GK5: variants seen among roughly 807,000 people sequenced by gnomAD.
GK5 encodes the protein glycerol kinase 5.
GK5 carries 39 observed loss-of-function variants against 77.3 expected under a neutral mutation model. The ratio of observed to expected loss-of-function variants is 0.50; its 90% CI spans 0.39 to 0.66. The LOEUF is 0.66. GK5 is among the 30% of genes least tolerant of loss of function. GK5 has a pLI of 0.00. For missense variants in GK5, 487 were observed against 633.8 expected, an observed-to-expected ratio of 0.77 and a Z score of 2.49; for synonymous variants, 211 against 208.0, an observed-to-expected ratio of 1.01 and a Z score of -0.13.
At position 142,164,096 on chromosome 3, in the gene GK5, A is replaced by G. The variant is rs1266587491; in HGVS notation, c.*1526T>C. 1.3e-5 allele frequency: 2 copies of G among 152,144 alleles called. No individual in the cohort carries two copies. Among genetic ancestry groups the G allele is most frequent in the African/African-American group, 2.4e-5 (1 of 41,458 alleles). 9.4% of individuals were successfully genotyped at this position (152,144 alleles called of 1,614,324 possible). A position where few individuals can be genotyped will look rare whatever the true frequency, so the allele number is the denominator to read the frequency against. ...TTAATAATACTATATATTTGTTACA[A>G]TGCCTTCATCAGAAAATTTAATAAT... On this transcript the variant is annotated 3_prime_UTR_variant, in exon 16 of 16. Coordinates refer to ENST00000392993, the MANE Select transcript of GK5 (RefSeq NM_001039547.3).
At chr3:142,203,213 A>C (rs549118175) in intron 4 of GK5, among the ~76,000 whole-genome samples, 2 of 152,156 alleles carry the variant, frequency 1.3e-5, no homozygotes, top group Non-Finnish European at 2.9e-5. Context: ...TATTAACAGC[A>C]CCTCTCACAA....
chr3:142,185,613 C>A, intron 9 of GK5: 1 of 1,129,894 alleles, frequency 8.9e-7, no homozygotes, highest in Non-Finnish European at 1.1e-6. Context: ...TCTCAGAGTA[C>A]CAAATGTAAA....
At chr3:142,223,875 G>A (rs967181543) in intron 1 of GK5, among the ~76,000 whole-genome samples, 2 of 152,090 alleles carry the variant, frequency 1.3e-5, no homozygotes, top group Non-Finnish European at 2.9e-5. Flanking sequence ...AAGGAAGTCT[G>A]ATGTTTCCCC....
intron 5 of GK5, among the ~76,000 whole-genome samples, chr3:142,188,725 A>C (rs1000330021): frequency 6.6e-6 from 1 of 152,262 alleles, no homozygotes; most frequent in African/African-American, 2.4e-5. Flanking sequence ...CCATAAGTAA[A>C]GTCTTATTGG....
At chr3:142,213,899 T>G (rs994747297) in intron 2 of GK5, among the ~76,000 whole-genome samples, 6 of 152,192 alleles carry the variant, frequency 3.9e-5, no homozygotes, top group African/African-American at 1.2e-4. Flanking sequence ...CTTGGCTCAC[T>G]GCAATCTCTG....
rs764691858 is a variant in GK5, at chr3:142,215,621, G to A, written c.219C>T (p.Ala73=). The change falls in exon 2 of 16, where the codon GCC becomes GCT. Residue 73 remains alanine, a synonymous_variant. Transcript: ENST00000392993. The part of the protein sequence containing the change: ...DPDVLWIQFV[A]VIKEAVKAAG... ...TACCTTTGACTGCTTCTTTTATTAC[G>A]GCAACAAATTGAATCCAAAGAACAT... 54 of 1,580,124 alleles carry A rather than the reference G, an allele frequency of 3.4e-5. No individual in the cohort carries two copies. The highest frequency in any genetic ancestry group is 3.4e-4 in the Middle Eastern group (2 of 5,934).
At chr3:142,217,385 T>C (rs1035614494) in intron 1 of GK5, among the ~76,000 whole-genome samples, 3 of 151,808 alleles carry the variant, frequency 2.0e-5, no homozygotes, top group African/African-American at 7.3e-5. Context: ...CTGATCAAAA[T>C]TTAAAACTTA....
rs2063443883 is a variant in GK5 at position 142,163,688 on chromosome 3, T to G, written c.*1934A>C. 6.6e-6 allele frequency: 1 copy of G among 152,146 alleles called. No individual in the cohort carries two copies. The highest frequency in any genetic ancestry group is 1.5e-5 in the Non-Finnish European group (1 of 68,024). The allele number at this position is 152,146 out of a possible 1,614,324, so 9.4% of individuals were successfully genotyped here. On this transcript the variant is annotated 3_prime_UTR_variant, in exon 16 of 16. Coordinates refer to ENST00000392993, the MANE Select transcript of GK5 (RefSeq NM_001039547.3). ...ATTCAGTACATTCTGACAAAAAGAA[T>G]TATTTCCTATGAAATTACACCCATT... is the stretch of plus-strand genomic sequence containing the variant.
intron 5 of GK5, among the ~76,000 whole-genome samples, chr3:142,190,917 A>T (rs1157833779): frequency 6.6e-6 from 1 of 152,236 alleles, no homozygotes; most frequent in Non-Finnish European, 1.5e-5. Context: ...ACACAGAAAC[A>T]TCCTTTGCAA....
At chr3:142,182,836 A>G (rs1479413014) in intron 10 of GK5, 87 bp downstream of exon 10, 2 of 864,730 alleles carry the variant, frequency 2.3e-6, no homozygotes, top group African/African-American at 1.7e-5. Context: ...ATATCACAAA[A>G]TGGGAAAATA....
At chr3:142,213,348 C>T (rs1266313641) in intron 3 of GK5, among the ~76,000 whole-genome samples, 178 bp downstream of exon 3, 2 of 152,102 alleles carry the variant, frequency 1.3e-5, no homozygotes, top group Non-Finnish European at 2.9e-5. Flanking sequence ...TAATATAAGT[C>T]AAGCCCAAAT....
At chr3:142,173,975 C>T (rs2063575644) in intron 12 of GK5, among the ~76,000 whole-genome samples, 1 of 152,186 alleles carries the variant, frequency 6.6e-6, no homozygotes, top group Non-Finnish European at 1.5e-5. Context: ...TTGGCTTCCT[C>T]AGGGAAAACT....
chr3:142,214,171 C>CT (rs1194523713), intron 2 of GK5, among the ~76,000 whole-genome samples: 2 of 151,848 alleles, frequency 1.3e-5, no homozygotes, highest in Non-Finnish European at 2.9e-5. Context: ...GTTTTAGGTG[C>CT]TGGGAAAAAA....
chr3:142,167,536 T>C (rs1166536632), intron 15 of GK5, among the ~76,000 whole-genome samples: 2 of 152,222 alleles, frequency 1.3e-5, no homozygotes, highest in African/African-American at 4.8e-5. Context: ...TTGTTTACAT[T>C]TTAAGACATA....
intron 9 of GK5, chr3:142,185,063 C>A (rs4577487): frequency 0.41 from 406,651 of 984,942 alleles, 89,429 homozygotes; most frequent in African/African-American, 0.82. Context: ...CAGGTGGTCT[C>A]TACCTCCTGC....
In GK5 at chr3:142,186,240, G is replaced by C. The variant is rs775179745; in HGVS notation, c.709C>G (p.Leu237Val). The change falls in exon 8 of 16, where the codon CTA becomes GTA. Residue 237 changes from leucine (L) to valine (V), a missense_variant. Transcript: ENST00000392993. ...KMCWSGMITS[L>V]ISIPLSLLPP... ...AGGAGAGAAAGTGGTATCGAAATTA[G>C]AGAGGTAATCATCCCACTCCAACAC... The C allele has an allele frequency of 6.2e-7, 1 of 1,606,910 alleles. No homozygotes were observed. Among genetic ancestry groups the C allele is most frequent in the Non-Finnish European group, 8.5e-7 (1 of 1,173,632 alleles).
chr3:142,218,377 CAA>C (rs35885439), intron 1 of GK5, among the ~76,000 whole-genome samples: 4 of 126,066 alleles, frequency 3.2e-5, no homozygotes, highest in Admixed American at 1.6e-4. Flanking sequence ...TACTAAAATA[CAA>C]AAAAAAAAAA....
intron 4 of GK5, among the ~76,000 whole-genome samples, chr3:142,202,154 T>C (rs1296346074): frequency 1.3e-5 from 2 of 151,828 alleles, no homozygotes; most frequent in Non-Finnish European, 2.9e-5. Flanking sequence ...GAGAAAGAGG[T>C]CTAGGAGGTG....
At chr3:142,218,105 A>G (rs543888544) in intron 1 of GK5, among the ~76,000 whole-genome samples, 8 of 152,192 alleles carry the variant, frequency 5.3e-5, no homozygotes, top group Non-Finnish European at 1.0e-4. Flanking sequence ...AACAGAATAC[A>G]GAGTCCAGAA....
Sources: allele counts gnomAD v4.1 joint callset (sites outside exome capture counted in the v4.1 genomes callset), GRCh38; gene constraint gnomAD v4.1.1; transcripts MANE v1.5; gene names NCBI Gene and HGNC (gene_info 2026-07-23, HGNC 2026-07-21).